The following RPUSD4 variants were observed in gnomAD, a reference collection of about 807,000 sequenced individuals.
RPUSD4 encodes the protein pseudouridylate synthase RPUSD4, mitochondrial.
A neutral mutation model predicts 35.4 loss-of-function variants in RPUSD4; 37 were observed. The ratio of observed to expected loss-of-function variants is 1.04; its 90% confidence interval spans 0.80 to 1.37. The LOEUF (loss-of-function observed/expected upper bound fraction) is 1.37. RPUSD4 is among the 40% of genes most tolerant of loss of function. The pLI is 0.00. For synonymous variants in RPUSD4, 210 were observed against 192.7 expected, an observed-to-expected ratio of 1.09 and a Z score of -0.74; for missense variants, 507 against 484.9, an observed-to-expected ratio of 1.05 and a Z score of -0.43.
chr11:126,203,781 G>C, intron 6 of RPUSD4, 124 bp from the exon 7 acceptor site: 1 of 1,249,122 alleles, frequency 8.0e-7, no homozygotes, highest in Non-Finnish European at 1.1e-6. Context: ...CACAGTAATG[G>C]AGAGTCTGCT....
At chr11:126,206,787 C>G (rs955351435) in intron 3 of RPUSD4, among the ~76,000 whole-genome samples, 1 of 152,152 alleles carries the variant, frequency 6.6e-6, no homozygotes, top group African/African-American at 2.4e-5. Flanking sequence ...ATCCTACTCA[C>G]ACACACTATT....
chr11:126,210,751 TA>T, intron 2 of RPUSD4, 138 bp downstream of exon 2: 1 of 667,634 alleles, frequency 1.5e-6, no homozygotes, highest in Non-Finnish European at 2.4e-6. Context: ...GGTGGTTCCT[TA>T]TATTGGACGG....
At chr11:126,205,897 T>C (rs1949769176) in intron 3 of RPUSD4, 116 bp from the exon 4 acceptor site, 9 of 721,982 alleles carry the variant, frequency 1.2e-5, no homozygotes, top group South Asian at 1.1e-4. Context: ...TTTCTTATGA[T>C]TGAAGGATCG....
Position 126,211,600 on chromosome 11 carries a change from G to A in RPUSD4, c.39C>T (p.Ile13=). The change falls in exon 1 of 7, where the codon ATC becomes ATT. Residue 13 remains isoleucine (I), a synonymous_variant. Coordinates refer to ENST00000298317, the MANE Select transcript of RPUSD4 (RefSeq NM_032795.3). The part of the protein sequence containing the change: ...APRWSASGPW[I]RGNGQGCGSL... ...TCCCGCAACCTTGGCCGTTTCCCCG[G>A]ATCCAGGGGCCCGACGCGCTCCACC... 1 of 1,614,096 alleles carries A rather than the reference G, an allele frequency of 6.2e-7. No homozygotes were observed. The highest frequency in any genetic ancestry group is 8.5e-7 in the Non-Finnish European group (1 of 1,180,038).
Position 126,211,303 on chromosome 11 carries a change from C to G in RPUSD4, c.189+147G>C, listed in dbSNP as rs1949863198. 6.9e-6 allele frequency: 7 copies of G among 1,011,414 alleles called. No homozygotes were observed. In the South Asian group the frequency reaches 1.1e-4, roughly 16 times the overall value. 62.7% of individuals were successfully genotyped at this position (1,011,414 alleles called of 1,614,324 possible). On this transcript the variant is annotated intron_variant, in intron 1 of 6. Coordinates refer to ENST00000298317, the MANE Select transcript of RPUSD4 (RefSeq NM_032795.3). ...GAAAACACCGTACCCTTACTGACCC[C>G]TCCCCTCCGCCTTCTCCCCATTCTC...
chr11:126,203,505 AAAG>A lies in RPUSD4; in HGVS notation c.1044_1046del (p.Phe349del), dbSNP rs1463629097. The A allele has an allele frequency of 3.1e-6, 5 of 1,614,220 alleles. No individual in the cohort carries two copies. In the South Asian group the frequency reaches 5.5e-5, roughly 18 times the overall value. ...AACGCAGGCGGTGCAGGGAATGCAC[AAAG>A]AAGCGAGGAAGTTTGCAGACCAAGT... On this transcript the variant is annotated inframe_deletion, in exon 7 of 7. Transcript: ENST00000298317.
chr11:126,203,025 TA>T lies in RPUSD4; in HGVS notation c.*392del. ...TTCTTTCCAACCACGGGAACCTTCC[TA>T]AGAGCTCAAGAGCTTCACTGCTGGA... On this transcript the variant is annotated 3_prime_UTR_variant, in exon 7 of 7. Coordinates refer to ENST00000298317, the MANE Select transcript of RPUSD4 (RefSeq NM_032795.3). The T allele has an allele frequency of 5.0e-6, 1 of 201,970 alleles. No homozygotes were observed. Among genetic ancestry groups the T allele is most frequent in the Non-Finnish European group, 1.0e-5 (1 of 97,156 alleles). The allele number at this position is 201,970 out of a possible 1,614,324, so 12.5% of individuals were successfully genotyped here.
intron 5 of RPUSD4, among the ~76,000 whole-genome samples, chr11:126,205,010 T>G (rs972819149): frequency 6.6e-6 from 1 of 152,232 alleles, no homozygotes; most frequent in African/African-American, 2.4e-5. Flanking sequence ...GCATCCATAT[T>G]GTAGCATGTG....
Position 126,204,283 on chromosome 11 carries a change from C to T in RPUSD4, c.842G>A (p.Cys281Tyr). 1 of 1,613,602 alleles carries T rather than the reference C, an allele frequency of 6.2e-7. No individual in the cohort carries two copies. The highest frequency in any genetic ancestry group is 8.5e-7 in the Non-Finnish European group (1 of 1,179,906). ...GTACTTGTGATCACCAAGGATTGGA[C>T]AATCCAATCCAAAAGACAAGTGAAC... ...LRVHLSFGLD[C>Y]PILGDHKYSD... The change falls in exon 6 of 7, where the codon TGT (cysteine) becomes TAT (tyrosine). Residue 281 changes from cysteine (C) to tyrosine (Y), a missense_variant. By Grantham distance (194) the Cys-to-Tyr change is radical. Coordinates refer to ENST00000298317, the MANE Select transcript of RPUSD4 (RefSeq NM_032795.3).
At position 126,203,238 on chromosome 11, in the gene RPUSD4, C is replaced by CT; in HGVS notation, c.*179dup. The CT allele has an allele frequency of 1.3e-6, 1 of 797,754 alleles. No individual in the cohort carries two copies. Among genetic ancestry groups the CT allele is most frequent in the Non-Finnish European group, 2.0e-6 (1 of 509,458 alleles). 49.4% of individuals were successfully genotyped at this position (797,754 alleles called of 1,614,324 possible). ...TAGACTTTGTTCTCCATTAAAAGCC[C>CT]TGTAGCAGCTGAGTTGCTTTACCTT... On this transcript the variant is annotated 3_prime_UTR_variant, in exon 7 of 7. Coordinates refer to ENST00000298317, the MANE Select transcript of RPUSD4 (RefSeq NM_032795.3).
Position 126,205,761 on chromosome 11 carries a change from G to C in RPUSD4, c.578C>G (p.Pro193Arg), listed in dbSNP as rs759839285. The change falls in exon 4 of 7, where the codon CCC becomes CGC. Residue 193 changes from proline (P) to arginine (R), a missense_variant. Coordinates refer to ENST00000298317, the MANE Select transcript of RPUSD4 (RefSeq NM_032795.3). ...GTCCACGACTCCTGCTGAGGGCATG[G>C]GGACATGCACAGTGATGGCCCTGGG... ...KKYWAITVHV[P>R]MPSAGVVDIP... The C allele has an allele frequency of 1.2e-6, 2 of 1,610,542 alleles. No individual in the cohort carries two copies. Among genetic ancestry groups the C allele is most frequent in the Admixed American group, 3.3e-5 (2 of 59,790 alleles).
Position 126,203,287 on chromosome 11 carries a change from C to A in RPUSD4, c.*131G>T. On this transcript the variant is annotated 3_prime_UTR_variant, in exon 7 of 7. Coordinates refer to ENST00000298317, the MANE Select transcript of RPUSD4 (RefSeq NM_032795.3). ...TTATCCCACCTGGCTCTTACGCAGT[C>A]TGTTCCAAGTGAGAAGTTAGCAGAG... 1 of 1,370,598 alleles carries A rather than the reference C, an allele frequency of 7.3e-7. No homozygotes were observed. The highest frequency in any genetic ancestry group is 9.9e-7 in the Non-Finnish European group (1 of 1,005,178). 84.9% of individuals were successfully genotyped at this position (1,370,598 alleles called of 1,614,324 possible). A position where few individuals can be genotyped will look rare whatever the true frequency, so the allele number is the denominator to read the frequency against.
Position 126,211,549 on chromosome 11 carries a change from T to C in RPUSD4, c.90A>G (p.Pro30=), listed in dbSNP as rs1380885006. 6.2e-7 allele frequency: 1 copy of C among 1,614,088 alleles called. No homozygotes were observed. The highest frequency in any genetic ancestry group is 2.2e-5 in the East Asian group (1 of 44,884). The change falls in exon 1 of 7, where the codon CCA becomes CCG. Residue 30 remains proline, a synonymous_variant. Coordinates refer to ENST00000298317, the MANE Select transcript of RPUSD4 (RefSeq NM_032795.3). ...TAGAGGCAGCGGCAGCGGCACAAAA[T>C]GGCTTTGAGACGAGAGTGAAGAGAC... The part of the protein sequence containing the change: ...CGSLFTLVSK[P]FCAAAAASTA...
intron 1 of RPUSD4, 86 bp from the exon 2 acceptor site, chr11:126,211,141 G>A (rs1949859654): frequency 6.8e-7 from 1 of 1,462,182 alleles, no homozygotes; most frequent in South Asian, 1.2e-5. Context: ...GAGAATCTGA[G>A]TAGGGAATGA....
At position 126,202,981 on chromosome 11, in the gene RPUSD4, A is replaced by G; in HGVS notation, c.*437T>C. On this transcript the variant is annotated 3_prime_UTR_variant, in exon 7 of 7. Coordinates refer to ENST00000298317, the MANE Select transcript of RPUSD4 (RefSeq NM_032795.3). ...AGCTGGGCAATCCCTGGATGCTGTGATATTTGTTAACCATTATGTTCTTTC... is the reference window on the plus strand; with the variant it reads ...AGCTGGGCAATCCCTGGATGCTGTGGTATTTGTTAACCATTATGTTCTTTC... 1 of 176,396 alleles carries G rather than the reference A, an allele frequency of 5.7e-6. No homozygotes were observed. The highest frequency in any genetic ancestry group is 1.4e-4 in the South Asian group (1 of 7,400). 10.9% of individuals were successfully genotyped at this position (176,396 alleles called of 1,614,324 possible).
chr11:126,207,881 T>A (rs868365746), intron 3 of RPUSD4, among the ~76,000 whole-genome samples: 36 of 149,468 alleles, frequency 2.4e-4, no homozygotes, highest in Middle Eastern at 3.5e-3. Context: ...AAAAAAATAA[T>A]AATAATAAAC....
intron 5 of RPUSD4, 74 bp downstream of exon 5, chr11:126,205,394 T>A: frequency 3.8e-6 from 6 of 1,582,422 alleles, no homozygotes; most frequent in Non-Finnish European, 4.3e-6. Flanking sequence ...TACTAGCTGC[T>A]CAGAACGAGG....
At chr11:126,208,143 A>G (rs1949793822) in intron 3 of RPUSD4, among the ~76,000 whole-genome samples, 1 of 152,152 alleles carries the variant, frequency 6.6e-6, no homozygotes, top group African/African-American at 2.4e-5. Flanking sequence ...CTTTGTGGAG[A>G]GCAATGTGAG....
At chr11:126,205,406 C>T (rs184330871) in intron 5 of RPUSD4, 62 bp downstream of exon 5, 2 of 1,603,174 alleles carry the variant, frequency 1.2e-6, no homozygotes, top group Non-Finnish European at 1.7e-6. Context: ...AGAACGAGGC[C>T]CTGGACAAAA....
Sources: allele counts gnomAD v4.1 joint callset (sites outside exome capture counted in the v4.1 genomes callset), GRCh38; gene constraint gnomAD v4.1.1; transcripts MANE v1.5; gene names NCBI Gene and HGNC (gene_info 2026-07-23, HGNC 2026-07-21).